Variants in CSMD1 observed in about 807,000 individuals in gnomAD.
CSMD1 encodes the protein CUB and Sushi multiple domains 1.
CSMD1 carries 213 observed loss-of-function variants against 417.5 expected under a neutral mutation model. The ratio of observed to expected loss-of-function variants is 0.51; its 90% CI spans 0.46 to 0.57. The LOEUF (loss-of-function observed/expected upper bound fraction) is 0.57, where lower values mean the gene tolerates loss of function less well. Ranked by LOEUF, CSMD1 falls within the 20% of genes least tolerant of loss-of-function variation. The pLI is 0.00. For missense variants in CSMD1, 6,923 were observed against 4,529.7 expected (o/e 1.53, Z -15.17); for synonymous variants, 2,862 against 1,736.8 (o/e 1.65, Z -16.11).
chr8:4,922,152 G>A (rs568944893), intron 1 of CSMD1, among the ~76,000 whole-genome samples: 34 of 152,204 alleles, frequency 2.2e-4, no homozygotes, highest in African/African-American at 7.2e-4. Flanking sequence ...TCCCACCAGA[G>A]TAAATTCTAG....
intron 57 of CSMD1, among the ~76,000 whole-genome samples, chr8:2,969,914 G>T (rs775421356): frequency 1.3e-5 from 2 of 152,050 alleles, no homozygotes; most frequent in Non-Finnish European, 2.9e-5. Context: ...CATGATGTCC[G>T]TATCATATAA....
At chr8:3,294,490 C>T (rs1034088332) in intron 25 of CSMD1, among the ~76,000 whole-genome samples, 4 of 152,084 alleles carry the variant, frequency 2.6e-5, no homozygotes, top group East Asian at 1.9e-4. Flanking sequence ...GCTTCTGGGC[C>T]GTTTTTTTAG....
intron 8 of CSMD1, among the ~76,000 whole-genome samples, chr8:3,600,549 G>A (rs935631544): frequency 3.9e-5 from 6 of 152,184 alleles, no homozygotes; most frequent in African/African-American, 1.4e-4. Flanking sequence ...CCTGGGGATA[G>A]GGTGCTCCCA....
intron 6 of CSMD1, among the ~76,000 whole-genome samples, chr8:3,723,386 G>C (rs1385369047): frequency 2.0e-5 from 3 of 152,204 alleles, no homozygotes; most frequent in African/African-American, 7.2e-5. Flanking sequence ...TGAGCCATAA[G>C]CTAATCATAG....
At chr8:3,346,587 A>G (rs9650474) in intron 22 of CSMD1, among the ~76,000 whole-genome samples, 57,918 of 152,036 alleles carry the variant, frequency 0.38, 11,813 homozygotes, top group Admixed American at 0.5. Flanking sequence ...TGACATTGAA[A>G]TACAGGCAAA....
chr8:4,082,128 G>C (rs1800170378), intron 3 of CSMD1, among the ~76,000 whole-genome samples: 1 of 152,016 alleles, frequency 6.6e-6, no homozygotes, highest in Non-Finnish European at 1.5e-5. Flanking sequence ...AACTACATTA[G>C]GAATAAAAGA....
intron 1 of CSMD1, among the ~76,000 whole-genome samples, chr8:4,843,802 A>G (rs1281210721): frequency 3.3e-5 from 5 of 152,252 alleles, no homozygotes; most frequent in Admixed American, 6.5e-5. Context: ...AAACTGATAC[A>G]ACGTAAAATA....
intron 11 of CSMD1, among the ~76,000 whole-genome samples, chr8:3,487,949 A>G (rs1818152057): frequency 1.3e-5 from 2 of 152,004 alleles, no homozygotes; most frequent in Admixed American, 1.3e-4. Flanking sequence ...CCCATTAGAG[A>G]TGTGTATTTT....
intron 46 of CSMD1, among the ~76,000 whole-genome samples, chr8:3,101,807 T>C (rs60853286): frequency 0.078 from 11,269 of 144,622 alleles, 753 homozygotes; most frequent in African/African-American, 0.18. Flanking sequence ...TTCTTTTTTT[T>C]TTTTTTTTTT....
intron 2 of CSMD1, among the ~76,000 whole-genome samples, chr8:4,566,793 T>C (rs1283714741): frequency 6.6e-6 from 1 of 152,068 alleles, no homozygotes; most frequent in Non-Finnish European, 1.5e-5. Context: ...AATCGTATGT[T>C]TGTTTGCAAA....
chr8:4,590,829 G>A lies in CSMD1; in HGVS notation c.302+46513C>T, dbSNP rs150142563. The stretch of plus-strand genomic sequence containing the variant: ...AATTTTTAAACATTTCTTAATAAAA[G>A]GATATGGGACATAATTTGAGCTTCT... On this transcript the variant is annotated intron_variant, in intron 2 of 69. Coordinates refer to ENST00000635120, the MANE Select transcript of CSMD1 (RefSeq NM_033225.6). Among the ~76,000 whole-genome samples, 89 of 152,226 alleles carry A rather than the reference G, an allele frequency of 5.8e-4. 1 individual carries two copies. In the East Asian group the frequency reaches 0.015, roughly 26 times the overall value.
At chr8:4,284,498 G>A (rs549817520) in intron 3 of CSMD1, among the ~76,000 whole-genome samples, 8 of 151,528 alleles carry the variant, frequency 5.3e-5, no homozygotes, top group Non-Finnish European at 1.0e-4. Context: ...TTGCTTTTGC[G>A]CACCATGCCT....
In CSMD1 at chr8:3,772,215, CAT is replaced by C. The variant is rs879325726; in HGVS notation, c.819-18175_819-18174del. 4.9e-3 allele frequency among the ~76,000 whole-genome samples: 601 copies of C among 122,284 alleles called. 23 individuals are homozygous for C. The highest frequency in any genetic ancestry group is 7.6e-3 in the Non-Finnish European group (434 of 57,018). 80.2% of individuals were successfully genotyped at this position (122,284 alleles called of 152,430 possible). On this transcript the variant is annotated intron_variant, in intron 5 of 69. Transcript: ENST00000635120. ...ACACACACACACACACACACACACA[CAT>C]ATAATACACACACATATTTATATAT...
intron 27 of CSMD1, 63 bp downstream of exon 27, chr8:3,229,977 G>A (rs1340257836): frequency 1.2e-5 from 13 of 1,116,780 alleles, no homozygotes; most frequent in Admixed American, 2.7e-5. Context: ...TTTACGGAGC[G>A]CTTTTAACGA....
In CSMD1 at chr8:4,041,738, G is replaced by A. The variant is rs573229751; in HGVS notation, c.416-9639C>T. On this transcript the variant is annotated intron_variant, in intron 3 of 69. Transcript: ENST00000635120. ...AACTGTTATTAGAACTGTATGCCCT[G>A]TTCTCAGTCAGGTGATGATGGAACA... 2.0e-5 allele frequency among the ~76,000 whole-genome samples: 3 copies of A among 152,244 alleles called. No homozygotes were observed. The East Asian group carries it at 5.8e-4, about 29-fold the overall frequency.
intron 3 of CSMD1, among the ~76,000 whole-genome samples, chr8:4,301,454 A>C (rs11991875): frequency 6.6e-6 from 1 of 152,150 alleles, no homozygotes; most frequent in Non-Finnish European, 1.5e-5. Context: ...AACTCTTCAG[A>C]GACCAGAGTG....
At chr8:4,129,195 A>G (rs1394940501) in intron 3 of CSMD1, among the ~76,000 whole-genome samples, 1 of 152,026 alleles carries the variant, frequency 6.6e-6, no homozygotes, top group Non-Finnish European at 1.5e-5. Context: ...CAACATCTAC[A>G]CTTAATATGT....
At chr8:3,678,021 C>A (rs750187562) in intron 7 of CSMD1, among the ~76,000 whole-genome samples, 1 of 152,184 alleles carries the variant, frequency 6.6e-6, no homozygotes, top group Admixed American at 6.5e-5. Flanking sequence ...ATCTTCAAAG[C>A]GTTCTGTCAA....
At chr8:4,604,748 G>C (rs960092988) in intron 2 of CSMD1, among the ~76,000 whole-genome samples, 1 of 152,026 alleles carries the variant, frequency 6.6e-6, no homozygotes, top group Non-Finnish European at 1.5e-5. Context: ...ACAAAATATT[G>C]TTTGCAGTTA....
Sources: gnomAD v4.1 joint callset for allele counts (sites outside exome capture counted in the v4.1 genomes callset) on GRCh38, gnomAD v4.1.1 for gene constraint, MANE v1.5 for transcripts, NCBI Gene and HGNC (gene_info 2026-07-23, HGNC 2026-07-21) for gene names.